CNOT1: variants seen among roughly 807,000 people sequenced by gnomAD.
The protein encoded by CNOT1 is CCR4-associated factor 1.
In CNOT1, 15 loss-of-function variants were observed where a neutral mutation model predicts 273.8. That is an observed-to-expected ratio of 0.05 (90% confidence interval 0.04 to 0.08). CNOT1 has a LOEUF of 0.08. CNOT1 is among the 10% of genes least tolerant of loss of function. The probability of loss-of-function intolerance (pLI) is 1.00; values close to 1 mark genes in which losing one functional copy is unlikely to be tolerated. For synonymous variants in CNOT1, 1,022 were observed against 1,005.5 expected (o/e 1.02, Z -0.31); for missense variants, 1,644 against 2,912.2 (o/e 0.56, Z 10.02).
chr16:58,599,189 T>C, intron 2 of CNOT1, 47 bp downstream of exon 2: 2 of 1,613,084 alleles, frequency 1.2e-6, no homozygotes, highest in South Asian at 1.1e-5. Context: ...CTTTCCACTG[T>C]CTACTCATTC....
chr16:58,624,961 A>G (rs1001398726), intron 1 of CNOT1, among the ~76,000 whole-genome samples: 1 of 151,878 alleles, frequency 6.6e-6, no homozygotes, highest in African/African-American at 2.4e-5. Context: ...AAAAAAAAGT[A>G]TCATAGGCCA....
At chr16:58,535,410 G>A (rs2039895229) in intron 39 of CNOT1, among the ~76,000 whole-genome samples, 2 of 152,062 alleles carry the variant, frequency 1.3e-5, no homozygotes, top group Admixed American at 6.6e-5. Context: ...AGCGCAAGAA[G>A]GAAAGAATTT....
intron 14 of CNOT1, among the ~76,000 whole-genome samples, chr16:58,576,159 G>T (rs2041452021): frequency 6.6e-6 from 1 of 150,976 alleles, no homozygotes; most frequent in Admixed American, 6.6e-5. Context: ...CACCCAGGCT[G>T]GAGTGCAGTG....
chr16:58,522,832 C>T (rs6499961), intron 47 of CNOT1: 59,448 of 152,062 alleles, frequency 0.39, 13,006 homozygotes, highest in African/African-American at 0.59. Context: ...GCCATGATTG[C>T]GATTTATAAT....
intron 16 of CNOT1, among the ~76,000 whole-genome samples, chr16:58,561,761 C>T (rs1015609691): frequency 6.6e-6 from 1 of 152,112 alleles, no homozygotes; most frequent in Non-Finnish European, 1.5e-5. Context: ...AAGTATAATG[C>T]AAATGGTTTT....
intron 1 of CNOT1, among the ~76,000 whole-genome samples, chr16:58,629,204 G>A (rs997036824): frequency 6.6e-6 from 1 of 152,250 alleles, no homozygotes; most frequent in Non-Finnish European, 1.5e-5. Context: ...AAGACGGGGA[G>A]AGTGGCAGCT....
intron 13 of CNOT1, 103 bp from the exon 14 acceptor site, chr16:58,576,685 G>T: frequency 2.0e-6 from 3 of 1,513,580 alleles, no homozygotes; most frequent in Non-Finnish European, 2.7e-6. Flanking sequence ...TAAAAATCAG[G>T]TATACCTGTG....
intron 28 of CNOT1, 59 bp downstream of exon 28, chr16:58,546,612 GT>G (rs2151922440): frequency 2.5e-6 from 4 of 1,612,304 alleles, no homozygotes; most frequent in Non-Finnish European, 3.4e-6. Flanking sequence ...TGCCTTCACT[GT>G]AAGTTTTAAT....
intron 1 of CNOT1, among the ~76,000 whole-genome samples, chr16:58,610,460 T>C (rs937939340): frequency 1.3e-5 from 2 of 151,840 alleles, no homozygotes; most frequent in Admixed American, 6.6e-5. Flanking sequence ...TCCCAGCACT[T>C]TGGGAGACCG....
At chr16:58,556,214 C>T (rs1030861737) in intron 19 of CNOT1, among the ~76,000 whole-genome samples, 1 of 152,180 alleles carries the variant, frequency 6.6e-6, no homozygotes, top group African/African-American at 2.4e-5. Flanking sequence ...GTTAACAAAT[C>T]TTTATCACTT....
chr16:58,614,571 G>A lies in CNOT1; in HGVS notation c.-174-15060C>T, dbSNP rs1597604091. On this transcript the variant is annotated intron_variant, in intron 1 of 48. Coordinates refer to ENST00000317147, the MANE Select transcript of CNOT1 (RefSeq NM_016284.5). ...ACACGTGCTGTCGCAACTCCATGCTGGAGGAATTGTGTCCTGTGTGACTCC... is the reference window on the plus strand; with the variant it reads ...ACACGTGCTGTCGCAACTCCATGCTAGAGGAATTGTGTCCTGTGTGACTCC... Among the ~76,000 whole-genome samples, 2 of 125,858 alleles carry A rather than the reference G, an allele frequency of 1.6e-5. 1 individual carries two copies. Among genetic ancestry groups the A allele is most frequent in the Non-Finnish European group, 3.8e-5 (2 of 52,758 alleles). 82.6% of individuals were successfully genotyped at this position (125,858 alleles called of 152,430 possible). A position where few individuals can be genotyped will look rare whatever the true frequency, so the allele number is the denominator to read the frequency against.
Position 58,520,644 on chromosome 16 carries a change from G to A in CNOT1, c.*314C>T. 2.8e-6 allele frequency: 1 copy of A among 360,214 alleles called. No individual in the cohort carries two copies. 22.3% of individuals were successfully genotyped at this position (360,214 alleles called of 1,614,324 possible). A position where few individuals can be genotyped will look rare whatever the true frequency, so the allele number is the denominator to read the frequency against. ...TCTTCATTACAAGGTACCAGTTTAT[G>A]TACTTGCCTTGGACACAGCTTGCAC... On this transcript the variant is annotated 3_prime_UTR_variant, in exon 49 of 49. Transcript: ENST00000317147.
chr16:58,530,110 A>G, intron 43 of CNOT1, 136 bp downstream of exon 43: 1 of 608,514 alleles, frequency 1.6e-6, no homozygotes, highest in South Asian at 2.4e-5. Flanking sequence ...ATGCAAGTAC[A>G]CTTGATTTTT....
intron 31 of CNOT1, 142 bp from the exon 32 acceptor site, chr16:58,542,710 G>A (rs1329055855): frequency 1.5e-6 from 2 of 1,293,926 alleles, no homozygotes; most frequent in South Asian, 1.6e-5. Flanking sequence ...AACAAGCTGT[G>A]ATCTTGAAAC....
intron 30 of CNOT1, among the ~76,000 whole-genome samples, chr16:58,544,378 G>A (rs2040190708): frequency 1.3e-5 from 2 of 151,762 alleles, no homozygotes; most frequent in African/African-American, 4.8e-5. Context: ...TTGAAAGGCT[G>A]TTTCTAATCT....
Position 58,543,728 on chromosome 16 carries a change from C to T in CNOT1, c.4313G>A (p.Arg1438Gln). Residue 1438 changes from arginine (R) to glutamine (Q), a missense_variant, in exon 31 of 49, where the codon CGA becomes CAA. Physicochemically the swap from Arg to Gln is conservative, Grantham distance 43. Around this residue, in one of 13 missense-constraint regions of CNOT1, gnomAD observed 133 missense variants for 230.4 expected, o/e 0.58. Transcript: ENST00000317147. ...FALDSEESRM[R>Q]IAAHHMMRNL... ...ACGCATCATGTGATGAGCTGCTATT[C>T]GCATTCGAGATTCCTCCGAATCCAG... 2 of 1,614,106 alleles carry T rather than the reference C, an allele frequency of 1.2e-6. No individual in the cohort carries two copies. Among genetic ancestry groups the T allele is most frequent in the Non-Finnish European group, 1.7e-6 (2 of 1,180,010 alleles).
At chr16:58,554,218 AC>A (rs1169366547) in intron 21 of CNOT1, among the ~76,000 whole-genome samples, 3 of 152,132 alleles carry the variant, frequency 2.0e-5, no homozygotes, top group Admixed American at 2.0e-4. Flanking sequence ...AAAAAAAAAA[AC>A]AGACTACTGA....
rs746799500 is a variant in CNOT1 at position 58,551,186 on chromosome 16, C to T, written c.3288G>A (p.Gln1096=). 1.2e-6 allele frequency: 2 copies of T among 1,609,866 alleles called. No homozygotes were observed. Among genetic ancestry groups the T allele is most frequent in the African/African-American group, 2.7e-5 (2 of 74,630 alleles). The change falls in exon 24 of 49, where the codon CAG becomes CAA. Residue 1096 remains glutamine, a synonymous_variant. Transcript: ENST00000317147. ...ERIVEPPENI[Q]EKIAFIFNNL... ...TATTGAAAATAAAAGCAATTTTCTC[C>T]TGGATATTTTCTGGGGGCTCCACAA... is the stretch of plus-strand genomic sequence containing the variant.
intron 34 of CNOT1, among the ~76,000 whole-genome samples, chr16:58,540,576 A>G (rs750747827): frequency 5.9e-5 from 9 of 152,252 alleles, no homozygotes; most frequent in Admixed American, 1.3e-4. Flanking sequence ...AAATATGACA[A>G]CTGAAGAAAT....
Sources: allele counts gnomAD v4.1 joint callset (sites outside exome capture counted in the v4.1 genomes callset), GRCh38; gene constraint gnomAD v4.1.1; regional missense constraint gnomAD v4.1.1; transcripts MANE v1.5; gene names NCBI Gene and HGNC (gene_info 2026-07-23, HGNC 2026-07-21).